The following PTPRA variants were observed in gnomAD, a reference collection of about 807,000 sequenced individuals.
PTPRA encodes the protein protein tyrosine phosphatase receptor type A, also known as receptor-type tyrosine-protein phosphatase alpha.
PTPRA carries 25 observed loss-of-function variants against 104.8 expected under a neutral mutation model. The observed-to-expected ratio is 0.24, with a 90% CI of 0.17 to 0.33. PTPRA has a LOEUF of 0.33. Ranked by LOEUF, PTPRA falls within the 10% of genes least tolerant of loss-of-function variation. PTPRA has a pLI of 1.00. For synonymous variants in PTPRA, 323 were observed against 368.9 expected, an observed-to-expected ratio of 0.88 and a Z score of 1.43; for missense variants, 765 against 1,015.3, an observed-to-expected ratio of 0.75 and a Z score of 3.35.
intron 2 of PTPRA, among the ~76,000 whole-genome samples, chr20:2,946,775 G>A (rs2061149112): frequency 6.6e-6 from 1 of 151,972 alleles, no homozygotes; most frequent in African/African-American, 2.4e-5. Flanking sequence ...TTGAACCCGG[G>A]AGGCAGAGGT....
At chr20:2,970,378 T>C (rs6138972) in intron 5 of PTPRA, among the ~76,000 whole-genome samples, 2,210 of 152,332 alleles carry the variant, frequency 0.015, 116 homozygotes, top group Admixed American at 0.09. Context: ...TTCAGTGTGG[T>C]GAATTGTTAA....
chr20:2,864,946 G>T, the PTPRA span: 1 of 1,613,848 alleles, frequency 6.2e-7, no homozygotes, highest in Non-Finnish European at 8.5e-7. The surrounding 1 kb of genome is among the most constrained non-coding windows in gnomAD (Gnocchi z 5.2). Flanking sequence ...CCTGCATGCT[G>T]TGAGTTCAGG....
intron 9 of PTPRA, among the ~76,000 whole-genome samples, chr20:2,992,817 G>T (rs1187389116): frequency 6.6e-6 from 1 of 152,230 alleles, no homozygotes; most frequent in Non-Finnish European, 1.5e-5. Flanking sequence ...CAGAGGCTGG[G>T]CACAGTGGCT....
At chr20:2,976,448 A>G (rs777534963) in intron 6 of PTPRA, among the ~76,000 whole-genome samples, 4 of 152,190 alleles carry the variant, frequency 2.6e-5, no homozygotes, top group South Asian at 2.1e-4. Flanking sequence ...CCCAGATATC[A>G]TATCTATTTT....
intron 6 of PTPRA, among the ~76,000 whole-genome samples, chr20:2,982,716 A>G (rs2062736816): frequency 6.7e-6 from 1 of 149,618 alleles, no homozygotes; most frequent in African/African-American, 2.5e-5. Context: ...TTTTTTTTTG[A>G]GACAGAGTCT....
At chr20:2,940,110 CAAACAA>C (rs372853471) in intron 2 of PTPRA, among the ~76,000 whole-genome samples, 77 of 152,212 alleles carry the variant, frequency 5.1e-4, no homozygotes, top group African/African-American at 1.5e-3. Context: ...AACTCCATCT[CAAACAA>C]AAACAAAAAC....
the PTPRA span, chr20:2,866,206 T>C: frequency 6.2e-7 from 1 of 1,614,006 alleles, no homozygotes; most frequent in Non-Finnish European, 8.5e-7. Flanking sequence ...CTTCCTCTCC[T>C]CCAAGCCTTT....
chr20:2,867,426 G>T, the PTPRA span, among the ~76,000 whole-genome samples: 2 of 152,182 alleles, frequency 1.3e-5, no homozygotes, highest in Admixed American at 6.5e-5. Context: ...CACCAGACCC[G>T]CAATCAGTAG....
At position 2,964,904 on chromosome 20, in the gene PTPRA, G is replaced by A. The variant is rs199565440; in HGVS notation, c.117G>A (p.Thr39=). 38 of 1,613,946 alleles carry A rather than the reference G, an allele frequency of 2.4e-5. No homozygotes were observed. The highest frequency in any genetic ancestry group is 1.6e-4 in the East Asian group (7 of 44,874). ...TTACAAGATTAATTAACTCATCAAC[G>A]GCAGAACCAGTTAAAGAAGAGGCCA... ...VGITRLINSS[T]AEPVKEEAKT... Residue 39 remains threonine, a synonymous_variant, in exon 5 of 24, where the codon ACG becomes ACA. Coordinates refer to ENST00000399903, the MANE Select transcript of PTPRA (RefSeq NM_001385305.1).
At chr20:2,945,949 T>TAC (rs1491443941) in intron 2 of PTPRA, among the ~76,000 whole-genome samples, 3 of 150,720 alleles carry the variant, frequency 2.0e-5, no homozygotes, top group Non-Finnish European at 4.4e-5. Context: ...TGCGTGTGTG[T>TAC]ATATATATAT....
intron 13 of PTPRA, among the ~76,000 whole-genome samples, chr20:3,019,519 G>C (rs540912527): frequency 4.2e-4 from 64 of 150,806 alleles, no homozygotes; most frequent in African/African-American, 1.5e-3. Flanking sequence ...GACGATGGGC[G>C]GCCGGGCAGA....
At chr20:2,958,658 T>TA (rs71195806) in intron 3 of PTPRA, among the ~76,000 whole-genome samples, 1,873 of 62,224 alleles carry the variant, frequency 0.03, 155 homozygotes, top group Non-Finnish European at 0.033. Context: ...CCATCTCTAC[T>TA]AAAAAAAAAA....
intron 2 of PTPRA, among the ~76,000 whole-genome samples, chr20:2,926,572 AG>A (rs1461502498): frequency 6.6e-6 from 1 of 152,150 alleles, no homozygotes; most frequent in Non-Finnish European, 1.5e-5. Context: ...GGAACTGAGT[AG>A]GGGGTTACAA....
At chr20:2,969,624 GCGGGCAGA>G (rs2062089397) in intron 5 of PTPRA, among the ~76,000 whole-genome samples, 5 of 110,262 alleles carry the variant, frequency 4.5e-5, no homozygotes, top group African/African-American at 1.1e-4. Context: ...GGAGGCTGAG[GCGGGCAGA>G]TCACGAGGTC....
chr20:3,019,232 G>T (rs1262977044), intron 13 of PTPRA, among the ~76,000 whole-genome samples: 1 of 145,986 alleles, frequency 6.8e-6, no homozygotes, highest in Non-Finnish European at 1.5e-5. Context: ...CCCGGACGGG[G>T]CGGCTGGCCG....
At chr20:3,004,960 G>C in intron 9 of PTPRA, 96 bp from the exon 10 acceptor site, 1 of 1,111,146 alleles carries the variant, frequency 9.0e-7, no homozygotes, top group Non-Finnish European at 1.3e-6. Flanking sequence ...CCAGGAAAAG[G>C]TAGAACATGC....
intron 5 of PTPRA, among the ~76,000 whole-genome samples, chr20:2,974,562 G>C (rs2062344652): frequency 6.6e-6 from 1 of 152,104 alleles, no homozygotes; most frequent in Non-Finnish European, 1.5e-5. Context: ...AAGTAGCTGG[G>C]ATTATAGGCA....
At position 3,037,134 on chromosome 20, in the gene PTPRA, A is replaced by G. The variant is rs2031592692; in HGVS notation, c.2199-20A>G. ...CAGAGGGCCATCACAGGTGTGGTAA[A>G]TGTGTCTGCTCTGTTGCAGCGCCGG... On this transcript the variant is annotated intron_variant, in intron 22 of 23. Coordinates refer to ENST00000399903, the MANE Select transcript of PTPRA (RefSeq NM_001385305.1). The surrounding 1 kb of genome is among the most constrained non-coding windows in gnomAD (Gnocchi z 4.3). 1 of 1,611,836 alleles carries G rather than the reference A, an allele frequency of 6.2e-7. No individual in the cohort carries two copies. The highest frequency in any genetic ancestry group is 1.3e-5 in the African/African-American group (1 of 74,892).
chr20:3,003,743 G>A (rs531314756), intron 9 of PTPRA, among the ~76,000 whole-genome samples: 4 of 139,856 alleles, frequency 2.9e-5, no homozygotes, highest in Admixed American at 7.5e-5. Flanking sequence ...ACGAGGTCTT[G>A]CTGTGTTGCC....
Sources: gnomAD v4.1 joint callset for allele counts (sites outside exome capture counted in the v4.1 genomes callset) on GRCh38, gnomAD v4.1.1 for gene constraint, Gnocchi (gnomAD v3.1) non-coding constraint, MANE v1.5 for transcripts, NCBI Gene and HGNC (gene_info 2026-07-23, HGNC 2026-07-21) for gene names.